The following LRP6 variants were observed in gnomAD, a reference collection of about 807,000 sequenced individuals.
LRP6 encodes low-density lipoprotein receptor-related protein 6.
In LRP6, 43 loss-of-function variants were observed where a neutral mutation model predicts 184.1. The observed-to-expected ratio is 0.23, with a 90% CI of 0.18 to 0.30. The LOEUF is 0.30. Among genes scored for constraint, LRP6 ranks in the 10% least tolerant of loss-of-function variants. The probability of loss-of-function intolerance (pLI) is 1.00; values close to 1 mark genes in which losing one functional copy is unlikely to be tolerated. For synonymous variants in LRP6, 719 were observed against 684.9 expected (o/e 1.05, Z -0.78); for missense variants, 1,571 against 2,005.3 (o/e 0.78, Z 4.14).
At chr12:12,172,266 C>T (rs904300398) in intron 7 of LRP6, among the ~76,000 whole-genome samples, 16 of 152,282 alleles carry the variant, frequency 1.1e-4, no homozygotes, top group African/African-American at 3.6e-4. Flanking sequence ...TATTCTAAAC[C>T]ACACTGAGAA....
chr12:12,137,294 T>C (rs1402254458), intron 16 of LRP6, among the ~76,000 whole-genome samples: 1 of 152,236 alleles, frequency 6.6e-6, no homozygotes, highest in Non-Finnish European at 1.5e-5. Context: ...AAGGCACTTT[T>C]TAAAAAACGT....
intron 2 of LRP6, among the ~76,000 whole-genome samples, chr12:12,223,073 TC>T (rs1394867279): frequency 6.7e-6 from 1 of 150,282 alleles, no homozygotes; most frequent in Non-Finnish European, 1.5e-5. Context: ...TGTGGTAACC[TC>T]CACACAGGCC....
intron 1 of LRP6, chr12:12,249,438 G>C: frequency 8.1e-6 from 6 of 742,762 alleles, no homozygotes. Context: ...TAATCGAAAA[G>C]AAAAACCACA....
intron 2 of LRP6, among the ~76,000 whole-genome samples, chr12:12,231,094 T>G (rs945014226): frequency 1.0e-4 from 14 of 137,982 alleles, no homozygotes; most frequent in Non-Finnish European, 2.0e-4. Context: ...GGCAGGAGAA[T>G]GGCTTGAACC....
chr12:12,155,800 G>A, intron 12 of LRP6: 2 of 733,218 alleles, frequency 2.7e-6, no homozygotes, highest in Non-Finnish European at 4.8e-6. Flanking sequence ...AAAGACTTCT[G>A]GACTGTTAAA....
chr12:12,124,767 A>G, intron 21 of LRP6, 105 bp from the exon 22 acceptor site: 1 of 697,824 alleles, frequency 1.4e-6, no homozygotes, highest in South Asian at 1.8e-5. Flanking sequence ...TTTACAATAC[A>G]CTATTAGCAC....
intron 1 of LRP6, among the ~76,000 whole-genome samples, chr12:12,250,419 C>G (rs1242266535): frequency 6.6e-6 from 1 of 152,110 alleles, no homozygotes; most frequent in Non-Finnish European, 1.5e-5. Context: ...ACTCTGTAAC[C>G]CTTTCTAATT....
chr12:12,165,131 A>G lies in LRP6; in HGVS notation c.1710T>C (p.Asp570=). 1 of 1,614,028 alleles carries G rather than the reference A, an allele frequency of 6.2e-7. No homozygotes were observed. Among genetic ancestry groups the G allele is most frequent in the Non-Finnish European group, 8.5e-7 (1 of 1,179,994 alleles). ...TTAGGCCCATGAGGTCAGGCAGCTG[A>G]TCTATGATCACTTCCCTCTCTGCAC... ...KRSAEREVII[D]QLPDLMGLKA... Residue 570 remains aspartate (D), a synonymous_variant, in exon 8 of 23, where the codon GAT becomes GAC. Transcript: ENST00000261349.
intron 9 of LRP6, among the ~76,000 whole-genome samples, chr12:12,162,901 A>T (rs1019831743): frequency 6.6e-6 from 1 of 152,222 alleles, no homozygotes; most frequent in African/African-American, 2.4e-5. Flanking sequence ...GATACATCTT[A>T]TCAAGTATTA....
At chr12:12,124,737 T>A in intron 21 of LRP6, 75 bp from the exon 22 acceptor site, 1 of 891,028 alleles carries the variant, frequency 1.1e-6, no homozygotes, top group Non-Finnish European at 1.8e-6. Context: ...CTTTTCTTCC[T>A]TCATCTCTAT....
At chr12:12,127,184 T>C (rs796682371) in intron 19 of LRP6, among the ~76,000 whole-genome samples, 6 of 152,218 alleles carry the variant, frequency 3.9e-5, no homozygotes, top group South Asian at 2.1e-4. Context: ...TGTAAACAGA[T>C]AGAAACAAAG....
chr12:12,162,262 T>C lies in LRP6; in HGVS notation c.2210A>G (p.Gln737Arg). 6.2e-7 allele frequency: 1 copy of C among 1,614,226 alleles called. No homozygotes were observed. Among genetic ancestry groups the C allele is most frequent in the Non-Finnish European group, 8.5e-7 (1 of 1,180,042 alleles). The stretch of plus-strand genomic sequence containing the variant: ...TTTCCACACCAAAACTTGTCGGTGC[T>C]GCCCATCCAACTTTGACACCTCAAT... ...NRIEVSKLDG[Q>R]HRQVLVWKDL... Residue 737 changes from glutamine (Q) to arginine (R), a missense_variant, in exon 10 of 23, where the codon CAG becomes CGG. Gln to Arg is a conservative substitution (Grantham distance 43). Around this residue, in one of 4 missense-constraint regions of LRP6, gnomAD observed 158 missense variants for 258.4 expected, o/e 0.61. Coordinates refer to ENST00000261349, the MANE Select transcript of LRP6 (RefSeq NM_002336.3).
At chr12:12,121,887 T>G (rs1409468534) in intron 22 of LRP6, among the ~76,000 whole-genome samples, 2 of 152,174 alleles carry the variant, frequency 1.3e-5, no homozygotes, top group Non-Finnish European at 2.9e-5. Flanking sequence ...CTTCATTTCT[T>G]TCTTCTGTAC....
At chr12:12,265,967 A>G (rs1180141813) in intron 1 of LRP6, among the ~76,000 whole-genome samples, 2 of 152,110 alleles carry the variant, frequency 1.3e-5, no homozygotes, top group Non-Finnish European at 2.9e-5. Context: ...TCACACGAGG[A>G]TGAATTTCCC....
At position 12,150,775 on chromosome 12, in the gene LRP6, G is replaced by A. The variant is rs539758846; in HGVS notation, c.2994+61C>T. 6.5e-6 allele frequency: 10 copies of A among 1,550,120 alleles called. No individual in the cohort carries two copies. The South Asian group carries it at 8.9e-5, about 14-fold the overall frequency. Reference sequence around the variant, plus strand: ...AGAGTCAAGACTTAAGTGAAACAGAGTGGTTGGTGAGTCCAGTTATTAGTC... The same window carrying A: ...AGAGTCAAGACTTAAGTGAAACAGAATGGTTGGTGAGTCCAGTTATTAGTC... On this transcript the variant is annotated intron_variant, in intron 13 of 22. Coordinates refer to ENST00000261349, the MANE Select transcript of LRP6 (RefSeq NM_002336.3).
intron 2 of LRP6, among the ~76,000 whole-genome samples, chr12:12,221,997 C>T (rs1478518950): frequency 6.6e-6 from 1 of 152,100 alleles, no homozygotes; most frequent in Non-Finnish European, 1.5e-5. Flanking sequence ...TACTTATACC[C>T]TTCCACTGTG....
At chr12:12,180,240 C>CTTTTTTTTTTTTTTTTTTTTTTTTTT (rs35341305) in intron 6 of LRP6, among the ~76,000 whole-genome samples, 1 of 126,134 alleles carries the variant, frequency 7.9e-6, no homozygotes, top group Non-Finnish European at 1.6e-5. Flanking sequence ...AGTTTTACTT[C>CTTTTTTTTTTTTTTTTTTTTTTTTTT]TTTTTTTTTT....
At chr12:12,131,540 C>T (rs1949757776) in intron 18 of LRP6, among the ~76,000 whole-genome samples, 1 of 152,218 alleles carries the variant, frequency 6.6e-6, no homozygotes, top group Admixed American at 6.5e-5. Context: ...AATAAATCCA[C>T]TAATTCAGAG....
Position 12,162,279 on chromosome 12 carries a change from C to T in LRP6, c.2193G>A (p.Val731=). 1 of 1,614,202 alleles carries T rather than the reference C, an allele frequency of 6.2e-7. No homozygotes were observed. Among genetic ancestry groups the T allele is most frequent in the Non-Finnish European group, 8.5e-7 (1 of 1,180,030 alleles). ...WADTGTNRIE[V]SKLDGQHRQV... ...GTCGGTGCTGCCCATCCAACTTTGA[C>T]ACCTCAATTCGATTCGTTCCTGTGT... Residue 731 remains valine (V), a synonymous_variant, in exon 10 of 23, where the codon GTG becomes GTA. Coordinates refer to ENST00000261349, the MANE Select transcript of LRP6 (RefSeq NM_002336.3).
Sources: gnomAD v4.1 joint callset for allele counts (sites outside exome capture counted in the v4.1 genomes callset) on GRCh38, gnomAD v4.1.1 for gene constraint, gnomAD v4.1.1 regional missense constraint, MANE v1.5 for transcripts, NCBI Gene and HGNC (gene_info 2026-07-23, HGNC 2026-07-21) for gene names.